The following PTPRA variants were observed in gnomAD, a reference collection of about 807,000 sequenced individuals.
The protein encoded by PTPRA is protein tyrosine phosphatase receptor type A.
A neutral mutation model predicts 104.8 loss-of-function variants in PTPRA; 25 were observed. The observed-to-expected ratio is 0.24, with a 90% CI of 0.17 to 0.33. The LOEUF (loss-of-function observed/expected upper bound fraction) is 0.33, where lower values mean the gene tolerates loss of function less well. PTPRA is among the 10% of genes least tolerant of loss of function. PTPRA has a pLI of 1.00. For synonymous variants in PTPRA, 323 were observed against 368.9 expected (o/e 0.88, Z 1.43); for missense variants, 765 against 1,015.3 (o/e 0.75, Z 3.35).
chr20:3,030,517 A>C (rs1386333812), intron 20 of PTPRA, among the ~76,000 whole-genome samples: 2 of 152,110 alleles, frequency 1.3e-5, no homozygotes, highest in Non-Finnish European at 2.9e-5. Context: ...ACTAAGCCTA[A>C]ATGATGCAAT....
At chr20:2,917,227 G>A (rs1184789402) in intron 1 of PTPRA, among the ~76,000 whole-genome samples, 2 of 151,488 alleles carry the variant, frequency 1.3e-5, no homozygotes, top group Non-Finnish European at 2.9e-5. Flanking sequence ...CAAAGTGCTG[G>A]GATTACAGAC....
chr20:2,880,394 C>G (rs2089980309), intron 1 of PTPRA, among the ~76,000 whole-genome samples: 1 of 152,172 alleles, frequency 6.6e-6, no homozygotes, highest in African/African-American at 2.4e-5. Context: ...AAGGAAGAGA[C>G]TGAATTCTGC....
rs143314001 is a variant in PTPRA at position 3,005,306 on chromosome 20, T to C, written c.829+160T>C. Among the ~76,000 whole-genome samples, 260 of 152,286 alleles carry C rather than the reference T, an allele frequency of 1.7e-3. 2 individuals are homozygous for C. Among genetic ancestry groups the C allele is most frequent in the African/African-American group, 4.0e-3 (168 of 41,556 alleles). ...GCTCATACCTGTAATCCCAGAACTT[T>C]GGAAGGCCAAGGTGGGAGAATCTCT... On this transcript the variant is annotated intron_variant, in intron 10 of 23. Coordinates refer to ENST00000399903, the MANE Select transcript of PTPRA (RefSeq NM_001385305.1).
chr20:2,969,252 C>CTTT (rs57097665), intron 5 of PTPRA, among the ~76,000 whole-genome samples: 3 of 145,628 alleles, frequency 2.1e-5, no homozygotes, highest in Non-Finnish European at 4.5e-5. Context: ...GGTAGAATAC[C>CTTT]TTTTTTTTTT....
At chr20:2,869,314 A>G (rs1332424539), upstream of PTPRA, among the ~76,000 whole-genome samples, 1 of 149,674 alleles carries the variant, frequency 6.7e-6, no homozygotes, top group African/African-American at 2.5e-5. Context: ...ACTAGAGTTC[A>G]TTTTTGGTTT....
intron 20 of PTPRA, among the ~76,000 whole-genome samples, chr20:3,028,222 G>A (rs1445598745): frequency 4.6e-5 from 7 of 152,182 alleles, no homozygotes. Context: ...CCCAGGCAGG[G>A]CAGATAGGTC....
intron 1 of PTPRA, among the ~76,000 whole-genome samples, chr20:2,912,529 C>A (rs1399924404): frequency 6.6e-6 from 1 of 151,620 alleles, no homozygotes; most frequent in Non-Finnish European, 1.5e-5. Context: ...CAGGCTGAGG[C>A]AGGAGGATCA....
intron 6 of PTPRA, among the ~76,000 whole-genome samples, chr20:2,983,987 G>A (rs2062798418): frequency 1.3e-5 from 2 of 151,846 alleles, no homozygotes; most frequent in African/African-American, 4.8e-5. Context: ...GTTGGAAGAG[G>A]AACAGATAGT....
chr20:2,972,507 T>C (rs2062232973), intron 5 of PTPRA, among the ~76,000 whole-genome samples: 1 of 152,242 alleles, frequency 6.6e-6, no homozygotes, highest in Non-Finnish European at 1.5e-5. Flanking sequence ...CCCAAACATA[T>C]TGTATCGTTC....
At position 3,017,849 on chromosome 20, in the gene PTPRA, G is replaced by A. The variant is rs755190193; in HGVS notation, c.977G>A (p.Arg326Gln). The A allele has an allele frequency of 1.3e-5, 21 of 1,614,000 alleles. No individual in the cohort carries two copies. Among genetic ancestry groups the A allele is most frequent in the Middle Eastern group, 1.6e-4 (1 of 6,084 alleles). Reference sequence around the variant, plus strand: ...GAAGAAACGGTGAATGATTTCTGGCGGATGATCTGGGAACAAAACACAGCC... The same window carrying A: ...GAAGAAACGGTGAATGATTTCTGGCAGATGATCTGGGAACAAAACACAGCC... ...PKEETVNDFWRMIWEQNTATI... is the reference protein window; with the variant it reads ...PKEETVNDFWQMIWEQNTATI... Residue 326 changes from arginine (R) to glutamine (Q), a missense_variant, in exon 13 of 24, where the codon CGG becomes CAG. Arg to Gln is a conservative substitution (Grantham distance 43). Around this residue, in one of 4 missense-constraint regions of PTPRA, gnomAD observed 245 missense variants for 398.7 expected, o/e 0.61. Transcript: ENST00000399903.
intron 1 of PTPRA, among the ~76,000 whole-genome samples, chr20:2,889,129 AT>A (rs2058703634): frequency 1.3e-5 from 2 of 152,240 alleles, no homozygotes; most frequent in Admixed American, 6.5e-5. Flanking sequence ...CAGAAGGACT[AT>A]TTTAAAATTA....
At chr20:2,911,617 A>G (rs1032771179) in intron 1 of PTPRA, among the ~76,000 whole-genome samples, 1 of 152,234 alleles carries the variant, frequency 6.6e-6, no homozygotes, top group Non-Finnish European at 1.5e-5. Context: ...TGATCTGATC[A>G]GGAGGATATT....
chr20:2,913,136 G>C (rs957983991), intron 1 of PTPRA, among the ~76,000 whole-genome samples: 1 of 152,082 alleles, frequency 6.6e-6, no homozygotes, highest in South Asian at 2.1e-4. Context: ...AGCACTTTAG[G>C]ATGACGAGGT....
chr20:2,996,521 G>A (rs1013083117), intron 9 of PTPRA, among the ~76,000 whole-genome samples: 10 of 152,168 alleles, frequency 6.6e-5, no homozygotes, highest in East Asian at 5.8e-4. Flanking sequence ...TTGAAAGATA[G>A]CAAATATATT....
At position 3,014,608 on chromosome 20, in the gene PTPRA, C is replaced by G. The variant is rs1262736069; in HGVS notation, c.907-1241C>G. Among the ~76,000 whole-genome samples the G allele has an allele frequency of 2.0e-5, 3 of 151,710 alleles. No individual in the cohort carries two copies. The East Asian group carries it at 5.8e-4, about 29-fold the overall frequency. On this transcript the variant is annotated intron_variant, in intron 11 of 23. Transcript: ENST00000399903. Reference sequence around the variant, plus strand: ...GCCGTGAGCCAAGATCGCACCACTGCACTCCAGCCTGGGTGACAGAGCAAG... The same window carrying G: ...GCCGTGAGCCAAGATCGCACCACTGGACTCCAGCCTGGGTGACAGAGCAAG...
intron 10 of PTPRA, among the ~76,000 whole-genome samples, chr20:3,006,156 C>T (rs781740611): frequency 4.6e-5 from 7 of 151,966 alleles, no homozygotes; most frequent in Non-Finnish European, 7.4e-5. Flanking sequence ...GTGAGCCCAG[C>T]CAGTATATTT....
chr20:3,017,816 G>C lies in PTPRA; in HGVS notation c.944G>C (p.Gly315Ala). 6.2e-7 allele frequency: 1 copy of C among 1,614,026 alleles called. No individual in the cohort carries two copies. Among genetic ancestry groups the C allele is most frequent in the Non-Finnish European group, 8.5e-7 (1 of 1,179,956 alleles). ...TCATTTTTGCTGTTGGCTACTTTAG[G>C]ACCAAAAGAAGAAACGGTGAATGAT... ...QEKNKFIAAQ[G>A]PKEETVNDFW... Residue 315 changes from glycine to alanine, a missense_variant and splice_region_variant, in exon 13 of 24, where the codon GGA becomes GCA. Coordinates refer to ENST00000399903, the MANE Select transcript of PTPRA (RefSeq NM_001385305.1).
At chr20:2,951,737 G>A (rs977432725) in intron 3 of PTPRA, among the ~76,000 whole-genome samples, 1 of 152,138 alleles carries the variant, frequency 6.6e-6, no homozygotes, top group East Asian at 1.9e-4. Context: ...TCCTCATGTG[G>A]CCCCTGCATG....
chr20:2,924,341 G>T (rs1182998984), intron 2 of PTPRA, among the ~76,000 whole-genome samples: 1 of 152,170 alleles, frequency 6.6e-6, no homozygotes, highest in African/African-American at 2.4e-5. Context: ...GGCAGAAGTT[G>T]CAGTGAGGTG....
Sources: gnomAD v4.1 joint callset for allele counts (sites outside exome capture counted in the v4.1 genomes callset) on GRCh38, gnomAD v4.1.1 for gene constraint, gnomAD v4.1.1 regional missense constraint, MANE v1.5 for transcripts, NCBI Gene and HGNC (gene_info 2026-07-23, HGNC 2026-07-21) for gene names.